SMIM36: variants seen among roughly 807,000 people sequenced by gnomAD.
The protein encoded by SMIM36 is small integral membrane protein 36.
intron 1 of SMIM36, among the ~76,000 whole-genome samples, chr17:55,503,941 C>G (rs1231815041): frequency 8.1e-6 from 1 of 123,212 alleles, no homozygotes; most frequent in Admixed American, 8.1e-5. Context: ...TCTGATAAAA[C>G]AGACTTTAAA....
chr17:55,530,878 T>C, the SMIM36 span, among the ~76,000 whole-genome samples: 1 of 152,104 alleles, frequency 6.6e-6, no homozygotes, highest in Admixed American at 6.6e-5. Flanking sequence ...AAGTGACAGG[T>C]TGTTTTTTTG....
At chr17:55,502,918 G>A (rs12945127) in intron 1 of SMIM36, among the ~76,000 whole-genome samples, 3 of 147,778 alleles carry the variant, frequency 2.0e-5, no homozygotes, top group Non-Finnish European at 3.0e-5. Context: ...CGAGAACTAC[G>A]TGAAGAATGC....
intron 4 of SMIM36, among the ~76,000 whole-genome samples, chr17:55,460,409 C>T (rs1406979211): frequency 7.1e-6 from 1 of 141,322 alleles, no homozygotes; most frequent in Admixed American, 7.2e-5. Flanking sequence ...GCCTGGGCGA[C>T]AAGAGTGAGA....
chr17:55,517,253 CA>C, the SMIM36 span, among the ~76,000 whole-genome samples: 1 of 152,124 alleles, frequency 6.6e-6, no homozygotes, highest in East Asian at 1.9e-4. Flanking sequence ...GATTGAGATA[CA>C]AAAGGTAAGA....
upstream of SMIM36, among the ~76,000 whole-genome samples, chr17:55,511,850 C>G (rs1910187453): frequency 6.6e-6 from 1 of 152,172 alleles, no homozygotes; most frequent in Admixed American, 6.5e-5. Flanking sequence ...GAAGAAGATA[C>G]TAGTGCCTGA....
chr17:55,501,345 A>G (rs1274023171), intron 1 of SMIM36, among the ~76,000 whole-genome samples: 2 of 79,206 alleles, frequency 2.5e-5, no homozygotes, highest in Admixed American at 4.6e-4. Context: ...TATATTATAT[A>G]TTATATTTTA....
chr17:55,474,177 C>G (rs1306348952), intron 3 of SMIM36, among the ~76,000 whole-genome samples: 1 of 152,198 alleles, frequency 6.6e-6, no homozygotes, highest in African/African-American at 2.4e-5. Flanking sequence ...CCAAATAAAG[C>G]CCTTCCTTCT....
the SMIM36 span, among the ~76,000 whole-genome samples, chr17:55,518,373 G>GGGATTAA: frequency 6.6e-6 from 1 of 152,152 alleles, no homozygotes; most frequent in African/African-American, 2.4e-5. Flanking sequence ...TGTTGAATTG[G>GGGATTAA]GGATTAAGTT....
chr17:55,525,847 G>A, the SMIM36 span, among the ~76,000 whole-genome samples: 3 of 152,022 alleles, frequency 2.0e-5, no homozygotes, highest in African/African-American at 2.4e-5. Context: ...TAGTAGAGAT[G>A]GGGTTTCTCC....
At position 55,467,482 on chromosome 17, in the gene SMIM36, C is replaced by T. The variant is rs916609290; in HGVS notation, c.*348-154G>A. ...CGTGATCTCGGCTCCCTGCCAGCTC[C>T]GCCTCCAAGGTTCATGCCATTCTCC... On this transcript the variant is annotated intron_variant, in intron 3 of 4. Transcript: ENST00000636752. 2.6e-5 allele frequency among the ~76,000 whole-genome samples: 4 copies of T among 152,010 alleles called. No homozygotes were observed. In the East Asian group the frequency reaches 5.8e-4, roughly 22 times the overall value.
chr17:55,466,782 T>C (rs1335868251), intron 4 of SMIM36, among the ~76,000 whole-genome samples: 1 of 152,176 alleles, frequency 6.6e-6, no homozygotes, highest in African/African-American at 2.4e-5. Flanking sequence ...TTCATGGACT[T>C]GGTGGTATCG....
chr17:55,461,284 T>G lies in SMIM36; in HGVS notation c.*531+5861A>C, dbSNP rs141916664. 2.5e-3 allele frequency among the ~76,000 whole-genome samples: 374 copies of G among 152,346 alleles called. 1 individual carries two copies. The highest frequency in any genetic ancestry group is 8.5e-3 in the African/African-American group (353 of 41,574). Reference sequence around the variant, plus strand: ...TTCTTCCTTCTGTCTTTTCTCTTGCTTATACACTCTCAAAATATCCTTGCT... The same window carrying G: ...TTCTTCCTTCTGTCTTTTCTCTTGCGTATACACTCTCAAAATATCCTTGCT... On this transcript the variant is annotated intron_variant, in intron 4 of 4. Transcript: ENST00000636752.
chr17:55,490,224 T>C (rs1909679549), intron 1 of SMIM36, among the ~76,000 whole-genome samples: 1 of 152,114 alleles, frequency 6.6e-6, no homozygotes, highest in South Asian at 2.1e-4. Flanking sequence ...ATCAAAAGCA[T>C]CTAAAGTAGG....
chr17:55,523,972 T>C, the SMIM36 span, among the ~76,000 whole-genome samples: 1 of 152,170 alleles, frequency 6.6e-6, no homozygotes, highest in Non-Finnish European at 1.5e-5. Flanking sequence ...GTTTGTTACA[T>C]AGGTGAACTC....
intron 4 of SMIM36, among the ~76,000 whole-genome samples, chr17:55,464,278 G>C (rs565272014): frequency 6.6e-6 from 1 of 152,130 alleles, no homozygotes; most frequent in Non-Finnish European, 1.5e-5. Context: ...ATTCCACGTG[G>C]AGCCCTGTGC....
chr17:55,519,568 G>A, the SMIM36 span, among the ~76,000 whole-genome samples: 15 of 152,178 alleles, frequency 9.9e-5, no homozygotes, highest in Non-Finnish European at 1.6e-4. Context: ...AGAGTGTATA[G>A]CAGAAGGGCA....
intron 3 of SMIM36, among the ~76,000 whole-genome samples, chr17:55,471,841 G>C (rs1186592135): frequency 6.6e-6 from 1 of 152,276 alleles, no homozygotes; most frequent in South Asian, 2.1e-4. Context: ...CACAGTTCTG[G>C]GCTGGCCTCT....
chr17:55,524,094 G>A, the SMIM36 span, among the ~76,000 whole-genome samples: 1 of 152,002 alleles, frequency 6.6e-6, no homozygotes, highest in Non-Finnish European at 1.5e-5. Flanking sequence ...CCCTCAAGTA[G>A]GCTCCAGTGT....
At chr17:55,498,761 G>A (rs768103388) in intron 1 of SMIM36, among the ~76,000 whole-genome samples, 4 of 151,902 alleles carry the variant, frequency 2.6e-5, no homozygotes, top group Non-Finnish European at 5.9e-5. Flanking sequence ...CACTCTGGGA[G>A]GCCGAGGCGG....
Sources: allele counts gnomAD v4.1 joint callset (sites outside exome capture counted in the v4.1 genomes callset), GRCh38; gene constraint gnomAD v4.1.1; transcripts MANE v1.5; gene names NCBI Gene and HGNC (gene_info 2026-07-23, HGNC 2026-07-21).